The following EBF1 variants were observed in gnomAD, a reference collection of about 807,000 sequenced individuals.
The protein encoded by EBF1 is transcription factor COE1.
Under a neutral mutation model 68.4 loss-of-function variants are expected in EBF1, and 10 were observed. That is an observed-to-expected ratio of 0.15 (90% CI 0.09 to 0.25). The LOEUF is 0.25. Among genes scored for constraint, EBF1 ranks in the 10% least tolerant of loss-of-function variants. EBF1 has a pLI of 1.00. For synonymous variants in EBF1, 298 were observed against 299.8 expected (o/e 0.99, Z 0.06); for missense variants, 509 against 794.4 (o/e 0.64, Z 4.32).
chr5:158,960,939 G>A (rs1167032800), intron 6 of EBF1, among the ~76,000 whole-genome samples: 1 of 152,080 alleles, frequency 6.6e-6, no homozygotes, highest in African/African-American at 2.4e-5. Flanking sequence ...TGCTACATCT[G>A]ACCTGAAATT....
chr5:158,777,404 G>A lies in EBF1; in HGVS notation c.1036+9C>T. Reference sequence around the variant, plus strand: ...CAGTTCTGTGCTCACCATGTGCTGTGGTTCTTACCTGTATAAATGAATCTG... The same window carrying A: ...CAGTTCTGTGCTCACCATGTGCTGTAGTTCTTACCTGTATAAATGAATCTG... On this transcript the variant is annotated intron_variant, in intron 10 of 15. Coordinates refer to ENST00000313708, the MANE Select transcript of EBF1 (RefSeq NM_024007.5). The A allele has an allele frequency of 6.2e-7, 1 of 1,607,840 alleles. No individual in the cohort carries two copies. Among genetic ancestry groups the A allele is most frequent in the Non-Finnish European group, 8.5e-7 (1 of 1,176,518 alleles).
At chr5:158,746,274 C>G (rs1243717538) in intron 10 of EBF1, among the ~76,000 whole-genome samples, 1 of 152,148 alleles carries the variant, frequency 6.6e-6, no homozygotes, top group Non-Finnish European at 1.5e-5. Flanking sequence ...TTCTTAATAA[C>G]AGCAACTTTA....
At chr5:159,005,134 A>G (rs945028370) in intron 6 of EBF1, among the ~76,000 whole-genome samples, 1 of 152,212 alleles carries the variant, frequency 6.6e-6, no homozygotes, top group African/African-American at 2.4e-5. Context: ...CATCCAGAAC[A>G]TCCCACAAGG....
chr5:158,847,812 C>G (rs777344094), intron 6 of EBF1, among the ~76,000 whole-genome samples: 3 of 152,170 alleles, frequency 2.0e-5, no homozygotes, highest in Non-Finnish European at 4.4e-5. Flanking sequence ...TTACAAGGAA[C>G]CAAATTTCTA....
At chr5:158,789,913 G>C (rs1267869247) in intron 9 of EBF1, among the ~76,000 whole-genome samples, 2 of 152,156 alleles carry the variant, frequency 1.3e-5, no homozygotes, top group African/African-American at 4.8e-5. Context: ...AGTAGAGATA[G>C]ATAGGAAGAA....
chr5:158,709,484 C>A (rs1184238438), intron 14 of EBF1, among the ~76,000 whole-genome samples: 1 of 152,208 alleles, frequency 6.6e-6, no homozygotes, highest in African/African-American at 2.4e-5. Context: ...GGAAACAGAT[C>A]TCCAGGGGGA....
chr5:158,711,087 G>GT (rs200611612), intron 14 of EBF1, among the ~76,000 whole-genome samples: 43 of 152,114 alleles, frequency 2.8e-4, no homozygotes, highest in Non-Finnish European at 5.1e-4. Flanking sequence ...ACCAAAGAAC[G>GT]TTTTTTTATG....
At chr5:158,845,602 T>A (rs1249896568) in intron 6 of EBF1, among the ~76,000 whole-genome samples, 1 of 149,578 alleles carries the variant, frequency 6.7e-6, no homozygotes, top group Non-Finnish European at 1.5e-5. Context: ...GATTTTCAGA[T>A]ACAAAAAGTA....
intron 6 of EBF1, among the ~76,000 whole-genome samples, chr5:158,979,510 G>A (rs749685912): frequency 2.6e-5 from 4 of 151,978 alleles, no homozygotes; most frequent in Non-Finnish European, 5.9e-5. Flanking sequence ...ATTATAAATC[G>A]GTATTGATTT....
At chr5:158,712,457 G>T (rs1581227632) in intron 13 of EBF1, 124 bp from the exon 14 acceptor site, 4 of 1,066,584 alleles carry the variant, frequency 3.8e-6, no homozygotes, top group Non-Finnish European at 5.4e-6. Context: ...GAAGGGATTG[G>T]GTGATTCATG....
intron 15 of EBF1, among the ~76,000 whole-genome samples, chr5:158,702,035 G>C (rs950946845): frequency 6.6e-5 from 10 of 152,108 alleles, no homozygotes; most frequent in African/African-American, 2.4e-4. Flanking sequence ...CCAGAATTTT[G>C]CATGTAATAT....
intron 6 of EBF1, among the ~76,000 whole-genome samples, chr5:159,029,289 T>C (rs1768306664): frequency 1.3e-5 from 2 of 152,190 alleles, no homozygotes; most frequent in Non-Finnish European, 2.9e-5. Flanking sequence ...AGTGGTATTC[T>C]CACAAATAAC....
intron 6 of EBF1, among the ~76,000 whole-genome samples, chr5:159,027,109 G>A (rs2127731201): frequency 6.6e-6 from 1 of 152,304 alleles, no homozygotes; most frequent in East Asian, 1.9e-4. Context: ...AAGAGGGTAT[G>A]TCCAGCATTT....
intron 6 of EBF1, among the ~76,000 whole-genome samples, chr5:158,899,066 A>G (rs1802747419): frequency 1.3e-5 from 2 of 152,280 alleles, no homozygotes; most frequent in African/African-American, 4.8e-5. Context: ...TGAATACAAG[A>G]TGCGTAAGTT....
chr5:158,827,473 A>C (rs777114028), intron 7 of EBF1, among the ~76,000 whole-genome samples: 1 of 152,206 alleles, frequency 6.6e-6, no homozygotes, highest in Non-Finnish European at 1.5e-5. Context: ...AAACCTTACT[A>C]TTCTGAAAAT....
At chr5:158,925,036 T>C (rs1809356025) in intron 6 of EBF1, among the ~76,000 whole-genome samples, 1 of 152,008 alleles carries the variant, frequency 6.6e-6, no homozygotes, top group Non-Finnish European at 1.5e-5. Context: ...TTTCTTTCTG[T>C]TCCTCAAATA....
intron 6 of EBF1, among the ~76,000 whole-genome samples, chr5:159,051,098 TAGG>T (rs1414847137): frequency 2.0e-5 from 3 of 152,144 alleles, no homozygotes. Flanking sequence ...CTTAAAGGGA[TAGG>T]AGAAGTCTCC....
intron 6 of EBF1, among the ~76,000 whole-genome samples, chr5:158,901,814 G>A (rs1803411520): frequency 6.6e-6 from 1 of 152,204 alleles, no homozygotes; most frequent in Admixed American, 6.5e-5. Flanking sequence ...TTTTCGGCCT[G>A]GTGTGGTGGC....
intron 10 of EBF1, among the ~76,000 whole-genome samples, chr5:158,741,591 AAAG>A (rs1281681826): frequency 2.2e-4 from 34 of 152,052 alleles, no homozygotes; most frequent in African/African-American, 5.8e-4. Context: ...AAAAAAAAAA[AAAG>A]CAGTATAATG....
Sources: allele counts gnomAD v4.1 joint callset (sites outside exome capture counted in the v4.1 genomes callset), GRCh38; gene constraint gnomAD v4.1.1; transcripts MANE v1.5; gene names NCBI Gene and HGNC (gene_info 2026-07-23, HGNC 2026-07-21).